ZNF420: variants seen among roughly 807,000 people sequenced by gnomAD.
ZNF420 encodes zinc finger protein 420.
Under a neutral mutation model 44.7 loss-of-function variants are expected in ZNF420, and 31 were observed. The ratio of observed to expected loss-of-function variants is 0.69; its 90% CI spans 0.52 to 0.94. The LOEUF is 0.94. ZNF420 is among the 40% of genes least tolerant of loss of function. The probability of loss-of-function intolerance (pLI) is 0.00; values close to 1 mark genes in which losing one functional copy is unlikely to be tolerated. For missense variants in ZNF420, 681 were observed against 827.9 expected (o/e 0.82, Z 2.18); for synonymous variants, 245 against 267.4 (o/e 0.92, Z 0.82).
chr19:37,071,057 A>G (rs1297700681), intron 1 of ZNF420, among the ~76,000 whole-genome samples: 1 of 152,198 alleles, frequency 6.6e-6, no homozygotes, highest in East Asian at 1.9e-4. Context: ...AATATTTCCT[A>G]TATGTCCCTT....
intron 1 of ZNF420, among the ~76,000 whole-genome samples, chr19:37,011,056 C>T (rs1461724445): frequency 6.6e-6 from 1 of 152,204 alleles, no homozygotes; most frequent in Non-Finnish European, 1.5e-5. Context: ...GTGGCGGTGG[C>T]ACTGTGCTGT....
upstream of ZNF420, among the ~76,000 whole-genome samples, chr19:37,073,550 C>A (rs1476474501): frequency 6.6e-6 from 1 of 151,806 alleles, no homozygotes; most frequent in Non-Finnish European, 1.5e-5. Flanking sequence ...GCCAGCCTGG[C>A]CAACATGGTG....
intron 1 of ZNF420, among the ~76,000 whole-genome samples, chr19:37,056,692 G>A (rs565380501): frequency 6.6e-6 from 1 of 152,308 alleles, no homozygotes; most frequent in African/African-American, 2.4e-5. Flanking sequence ...CAGATAAGGT[G>A]AACCCATCCC....
upstream of ZNF420, among the ~76,000 whole-genome samples, chr19:37,077,416 T>C (rs921942927): frequency 6.6e-6 from 1 of 152,336 alleles, no homozygotes; most frequent in East Asian, 1.9e-4. Flanking sequence ...ATATCTACTT[T>C]TGGCCTGCTG....
intron 1 of ZNF420, among the ~76,000 whole-genome samples, chr19:37,068,655 A>T (rs1568436210): frequency 6.6e-6 from 1 of 152,206 alleles, no homozygotes; most frequent in Non-Finnish European, 1.5e-5. Context: ...TAAATAAATA[A>T]ATAAATAAAT....
upstream of ZNF420, among the ~76,000 whole-genome samples, chr19:37,073,751 G>GAAAAAAAAAAAAAAAAA (rs71177422): frequency 9.9e-6 from 1 of 100,630 alleles, no homozygotes. Flanking sequence ...CCTGAAAAAA[G>GAAAAAAAAAAAAAAAAA]AAAAAAAAAA....
intron 1 of ZNF420, among the ~76,000 whole-genome samples, chr19:37,012,792 G>GTT (rs2074581382): frequency 6.7e-6 from 1 of 150,236 alleles, no homozygotes; most frequent in Non-Finnish European, 1.5e-5. Context: ...GTGTGTGTGT[G>GTT]TGTGTGTGTG....
intron 1 of ZNF420, among the ~76,000 whole-genome samples, chr19:37,046,452 A>G (rs540355585): frequency 1.3e-5 from 2 of 152,346 alleles, no homozygotes; most frequent in East Asian, 3.9e-4. Flanking sequence ...TAGAATGGGT[A>G]CATTAATAGG....
At chr19:37,103,051 G>A (rs1161352591) in intron 4 of ZNF420, among the ~76,000 whole-genome samples, 1 of 151,766 alleles carries the variant, frequency 6.6e-6, no homozygotes, top group Non-Finnish European at 1.5e-5. Flanking sequence ...ACTTCTTCTT[G>A]AGGTGAAATC....
At chr19:37,116,690 G>A (rs1042172124) in intron 4 of ZNF420, among the ~76,000 whole-genome samples, 2 of 152,196 alleles carry the variant, frequency 1.3e-5, no homozygotes, top group Non-Finnish European at 2.9e-5. Context: ...GGGTCAGGGA[G>A]TTCCCTTTCC....
chr19:37,023,891 A>G (rs2146387381), intron 1 of ZNF420, among the ~76,000 whole-genome samples: 1 of 152,274 alleles, frequency 6.6e-6, no homozygotes, highest in African/African-American at 2.4e-5. Flanking sequence ...GACACACTGT[A>G]CATATATACA....
chr19:37,097,456 A>T (rs1182493613), intron 4 of ZNF420, among the ~76,000 whole-genome samples: 3 of 152,112 alleles, frequency 2.0e-5, no homozygotes, highest in African/African-American at 7.2e-5. Flanking sequence ...AAGGCAACTA[A>T]ATTCAGTAGG....
intron 2 of ZNF420, among the ~76,000 whole-genome samples, chr19:37,081,056 C>CAAA (rs35087056): frequency 5.0e-5 from 4 of 79,284 alleles, no homozygotes; most frequent in African/African-American, 1.8e-4. Context: ...GACTCTGTCT[C>CAAA]AAAAAAAAAA....
At chr19:37,087,282 C>CAAAAA (rs199903253) in intron 2 of ZNF420, among the ~76,000 whole-genome samples, 209 of 121,416 alleles carry the variant, frequency 1.7e-3, no homozygotes, top group East Asian at 9.4e-3. Context: ...GACCCTGTCT[C>CAAAAA]AAAAAAAAAA....
At chr19:37,113,424 G>A (rs1025675911) in intron 4 of ZNF420, among the ~76,000 whole-genome samples, 2 of 152,086 alleles carry the variant, frequency 1.3e-5, no homozygotes, top group Non-Finnish European at 2.9e-5. Flanking sequence ...TCCATCACAG[G>A]CTTTTACGTA....
At chr19:37,097,320 T>G (rs552248416) in intron 4 of ZNF420, among the ~76,000 whole-genome samples, 27 of 152,332 alleles carry the variant, frequency 1.8e-4, no homozygotes, top group African/African-American at 6.3e-4. Flanking sequence ...AAGTATTGAT[T>G]TCTATAAATT....
chr19:37,024,270 G>C (rs1199625557), intron 1 of ZNF420, among the ~76,000 whole-genome samples: 1 of 152,014 alleles, frequency 6.6e-6, no homozygotes, highest in African/African-American at 2.4e-5. Flanking sequence ...GGCATGTATT[G>C]ATTGATCTCA....
At chr19:37,077,374 A>G (rs756810688), upstream of ZNF420, among the ~76,000 whole-genome samples, 43 of 152,178 alleles carry the variant, frequency 2.8e-4, 1 homozygote, top group Non-Finnish European at 8.8e-5. Context: ...CAGTAATAAG[A>G]GAAACTTTAC....
chr19:37,047,046 G>C (rs1967554670), intron 1 of ZNF420, among the ~76,000 whole-genome samples: 1 of 149,444 alleles, frequency 6.7e-6, no homozygotes, highest in Non-Finnish European at 1.5e-5. Context: ...TAACTTTTAA[G>C]AAATTGAATA....
Sources: gnomAD v4.1 joint callset for allele counts (sites outside exome capture counted in the v4.1 genomes callset) on GRCh38, gnomAD v4.1.1 for gene constraint, MANE v1.5 for transcripts, NCBI Gene and HGNC (gene_info 2026-07-23, HGNC 2026-07-21) for gene names.